Variants in DMD observed in about 807,000 individuals in gnomAD.
The protein encoded by DMD is dystrophin.
Under a neutral mutation model 330.1 loss-of-function variants are expected in DMD, and 63 were observed. That is an observed-to-expected ratio of 0.19 (90% CI 0.16 to 0.24). DMD has a LOEUF of 0.24. DMD is among the 10% of genes least tolerant of loss of function. The pLI is 1.00. For synonymous variants in DMD, 1,223 were observed against 959.8 expected (o/e 1.27, Z -5.07); for missense variants, 3,344 against 2,684.1 (o/e 1.25, Z -5.43).
intron 60 of DMD, among the ~76,000 whole-genome samples, chrX:31,377,652 T>C (rs1477478751): frequency 1.8e-5 from 2 of 111,810 alleles, no homozygotes; most frequent in Non-Finnish European, 3.8e-5. Flanking sequence ...AATTACTCAA[T>C]CTCTCTATAC....
chrX:32,741,254 T>C (rs1295275124), intron 7 of DMD, among the ~76,000 whole-genome samples: 2 of 111,451 alleles, frequency 1.8e-5, no homozygotes, highest in Non-Finnish European at 3.8e-5. Flanking sequence ...TCATGACTCT[T>C]TGAGAGGGCA....
intron 2 of DMD, among the ~76,000 whole-genome samples, chrX:32,868,659 C>T (rs2082708634): frequency 2.7e-5 from 3 of 112,582 alleles, no homozygotes; most frequent in African/African-American, 9.7e-5. Flanking sequence ...CTCATTAGGC[C>T]GGACTCTGAC....
rs751411572 is a variant in DMD, at chrX:32,784,508, A to G, written c.649+24985T>C. On this transcript the variant is annotated intron_variant, in intron 7 of 78. Transcript: ENST00000357033. ...AATCCAGAACTTTTTATTAGAAATCACACATGTTAAACAGAAATCATTAAC... is the reference window on the plus strand; with the variant it reads ...AATCCAGAACTTTTTATTAGAAATCGCACATGTTAAACAGAAATCATTAAC... Among the ~76,000 whole-genome samples, 3 of 112,080 alleles carry G rather than the reference A, an allele frequency of 2.7e-5. No individual in the cohort carries two copies. In the South Asian group the frequency reaches 1.1e-3, roughly 41 times the overall value.
chrX:32,734,184 C>A (rs1346564918), intron 7 of DMD, among the ~76,000 whole-genome samples: 4 of 108,742 alleles, frequency 3.7e-5, no homozygotes, highest in Non-Finnish European at 5.7e-5. Flanking sequence ...TAAATTCCTG[C>A]ACACATACAC....
chrX:32,337,729 A>G (rs2097722483), intron 41 of DMD, among the ~76,000 whole-genome samples: 1 of 110,871 alleles, frequency 9.0e-6, no homozygotes, highest in Admixed American at 9.7e-5. Context: ...TGAATTAAGG[A>G]TATGTAATTC....
chrX:32,477,860 C>T (rs1483626928), intron 21 of DMD, among the ~76,000 whole-genome samples: 4 of 111,292 alleles, frequency 3.6e-5, no homozygotes, highest in Non-Finnish European at 5.7e-5. Flanking sequence ...GCTACCCGTC[C>T]GTTAAGCACT....
chrX:32,992,761 C>T (rs941884095), intron 2 of DMD, among the ~76,000 whole-genome samples: 1 of 109,333 alleles, frequency 9.1e-6, no homozygotes, highest in Admixed American at 9.9e-5. Flanking sequence ...CAAAAATTAG[C>T]TGGGCATGGT....
chrX:32,703,841 C>T (rs60343665), intron 7 of DMD, among the ~76,000 whole-genome samples: 16,581 of 111,098 alleles, frequency 0.15, 2,920 homozygotes, highest in African/African-American at 0.51. Context: ...ATTTATACTT[C>T]TTATTACACG....
intron 4 of DMD, among the ~76,000 whole-genome samples, chrX:32,829,342 T>C (rs1188184282): frequency 1.8e-5 from 2 of 111,992 alleles, no homozygotes; most frequent in Non-Finnish European, 3.8e-5. Flanking sequence ...TTTCCACTTA[T>C]TCTTATCTCA....
intron 48 of DMD, among the ~76,000 whole-genome samples, chrX:31,861,975 A>ACACACACC (rs770834589): frequency 3.9e-4 from 42 of 108,031 alleles, no homozygotes; most frequent in African/African-American, 1.1e-3. Context: ...ACACACACAC[A>ACACACACC]CCTACATCCT....
At chrX:31,344,492 AGTT>A (rs986659204) in intron 61 of DMD, among the ~76,000 whole-genome samples, 12 of 111,580 alleles carry the variant, frequency 1.1e-4, no homozygotes, top group African/African-American at 3.9e-4. Context: ...TTGGAAAGAT[AGTT>A]TTAAGGGAAA....
chrX:32,889,375 C>T (rs1260881278), intron 2 of DMD, among the ~76,000 whole-genome samples: 1 of 110,740 alleles, frequency 9.0e-6, no homozygotes, highest in East Asian at 2.9e-4. Context: ...GGGCCTACAA[C>T]TTGAGGCCAA....
intron 50 of DMD, among the ~76,000 whole-genome samples, chrX:31,799,796 A>T (rs1160847866): frequency 8.9e-6 from 1 of 112,420 alleles, no homozygotes; most frequent in East Asian, 2.8e-4. Context: ...AATGGGGGGT[A>T]CAGGCATTGG....
intron 4 of DMD, among the ~76,000 whole-genome samples, chrX:32,828,157 G>A (rs968157430): frequency 2.7e-5 from 3 of 111,443 alleles, no homozygotes; most frequent in Non-Finnish European, 5.7e-5. Context: ...CCCCATCTTT[G>A]CTACTGTGAA....
intron 7 of DMD, among the ~76,000 whole-genome samples, chrX:32,735,601 A>C (rs1286470232): frequency 9.0e-6 from 1 of 111,035 alleles, no homozygotes; most frequent in East Asian, 2.8e-4. Context: ...GAGCCCTCAG[A>C]AATAACGCCG....
chrX:31,665,861 C>G (rs1196210942), intron 53 of DMD, among the ~76,000 whole-genome samples: 1 of 111,932 alleles, frequency 8.9e-6, no homozygotes, highest in African/African-American at 3.2e-5. Flanking sequence ...GGCCCCATTT[C>G]TCTTCCAGCT....
intron 12 of DMD, among the ~76,000 whole-genome samples, chrX:32,614,088 A>G (rs1382885919): frequency 9.0e-6 from 1 of 110,883 alleles, no homozygotes; most frequent in Non-Finnish European, 1.9e-5. Flanking sequence ...TAAATATTCC[A>G]TCTCCTAATA....
rs200504327 is a variant in DMD, at chrX:31,409,007, T to C, written c.9084+35474A>G. ...TTGTCCATGTGTTCTCATTGTTCAA[T>C]TCCCACCTATGAGTGAGAACATGGG... is the stretch of plus-strand genomic sequence containing the variant. On this transcript the variant is annotated intron_variant, in intron 60 of 78. Transcript: ENST00000357033. 9.0e-5 allele frequency among the ~76,000 whole-genome samples: 10 copies of C among 110,793 alleles called. No homozygotes were observed. In the East Asian group the frequency reaches 2.9e-3, roughly 32 times the overall value.
intron 7 of DMD, among the ~76,000 whole-genome samples, chrX:32,776,142 C>T (rs769510468): frequency 9.0e-6 from 1 of 111,417 alleles, no homozygotes; most frequent in African/African-American, 3.3e-5. Context: ...TACTCCAGTT[C>T]CCAACAAGTT....
Sources: gnomAD v4.1 joint callset for allele counts (sites outside exome capture counted in the v4.1 genomes callset) on GRCh38, gnomAD v4.1.1 for gene constraint, MANE v1.5 for transcripts, NCBI Gene and HGNC (gene_info 2026-07-23, HGNC 2026-07-21) for gene names.